Variants in NEGR1 observed in about 807,000 individuals in gnomAD.
NEGR1 encodes the protein IgLON family member 4.
In NEGR1, 10 loss-of-function variants were observed where a neutral mutation model predicts 40.9. That is an observed-to-expected ratio of 0.24 (90% CI 0.15 to 0.42). NEGR1 has a LOEUF of 0.42. Ranked by LOEUF, NEGR1 falls within the 10% of genes least tolerant of loss-of-function variation. NEGR1 has a pLI of 1.00. For synonymous variants in NEGR1, 185 were observed against 166.8 expected, an observed-to-expected ratio of 1.11 and a Z score of -0.84; for missense variants, 352 against 438.9, an observed-to-expected ratio of 0.80 and a Z score of 1.77.
At chr1:72,181,375 C>T (rs182402696) in intron 1 of NEGR1, among the ~76,000 whole-genome samples, 2 of 152,204 alleles carry the variant, frequency 1.3e-5, no homozygotes, top group Admixed American at 1.3e-4. Flanking sequence ...CTCTTGGTGT[C>T]ACTCTTGCAC....
intron 1 of NEGR1, among the ~76,000 whole-genome samples, chr1:71,942,292 GA>G (rs1003302727): frequency 4.7e-5 from 7 of 148,180 alleles, no homozygotes; most frequent in South Asian, 2.1e-4. Flanking sequence ...AATTAGATGG[GA>G]AAAAAAACTG....
intron 1 of NEGR1, among the ~76,000 whole-genome samples, chr1:71,988,923 T>TAAAA (rs10604833): frequency 0.013 from 1,039 of 82,168 alleles, 61 homozygotes; most frequent in African/African-American, 0.057. Context: ...TATTGGATGT[T>TAAAA]AAAAAAAAAA....
At chr1:72,056,874 C>G (rs1300626961) in intron 1 of NEGR1, among the ~76,000 whole-genome samples, 1 of 151,526 alleles carries the variant, frequency 6.6e-6, no homozygotes, top group Non-Finnish European at 1.5e-5. Context: ...AACTCTGCCT[C>G]TGAACTGTTT....
Position 72,050,351 on chromosome 1 carries a change from G to A in NEGR1, c.177-115040C>T, listed in dbSNP as rs571907876. Among the ~76,000 whole-genome samples, 4 of 151,184 alleles carry A rather than the reference G, an allele frequency of 2.6e-5. No individual in the cohort carries two copies. In the South Asian group the frequency reaches 8.4e-4, roughly 32 times the overall value. Reference sequence around the variant, plus strand: ...AAATGTATTTTTAAATCACAAATTGGGAACAGCAATTATAAAATTGTGTAA... The same window carrying A: ...AAATGTATTTTTAAATCACAAATTGAGAACAGCAATTATAAAATTGTGTAA... On this transcript the variant is annotated intron_variant, in intron 1 of 6. Transcript: ENST00000357731.
At chr1:71,420,337 T>C (rs928016634) in intron 6 of NEGR1, among the ~76,000 whole-genome samples, 11 of 152,200 alleles carry the variant, frequency 7.2e-5, no homozygotes, top group Admixed American at 5.9e-4. Flanking sequence ...GTCAGGAAAT[T>C]ATAATTTAGA....
At chr1:71,457,173 C>T (rs760890781) in intron 6 of NEGR1, among the ~76,000 whole-genome samples, 3 of 152,154 alleles carry the variant, frequency 2.0e-5, no homozygotes, top group African/African-American at 2.4e-5. Context: ...CTCCACCCCA[C>T]CCCACCAGTG....
intron 2 of NEGR1, among the ~76,000 whole-genome samples, chr1:71,931,080 A>G (rs1190139697): frequency 1.3e-5 from 2 of 152,140 alleles, no homozygotes; most frequent in Non-Finnish European, 2.9e-5. Context: ...CCCACCCTTG[A>G]TAAGGGAAGT....
intron 1 of NEGR1, among the ~76,000 whole-genome samples, chr1:72,131,875 T>C (rs1337569742): frequency 6.6e-6 from 1 of 152,086 alleles, no homozygotes; most frequent in Non-Finnish European, 1.5e-5. Flanking sequence ...GATGGGAGGA[T>C]CACCTGAGGC....
At chr1:71,984,659 G>A (rs1646380165) in intron 1 of NEGR1, among the ~76,000 whole-genome samples, 1 of 152,046 alleles carries the variant, frequency 6.6e-6, no homozygotes, top group African/African-American at 2.4e-5. Flanking sequence ...TATAGTTGTA[G>A]TGAGAAATAA....
intron 2 of NEGR1, among the ~76,000 whole-genome samples, chr1:71,866,072 T>C (rs1464926619): frequency 6.6e-6 from 1 of 152,082 alleles, no homozygotes; most frequent in Non-Finnish European, 1.5e-5. Context: ...CTTTCAACTA[T>C]ATAAACAAAC....
At chr1:71,804,145 T>C (rs1432103967) in intron 2 of NEGR1, among the ~76,000 whole-genome samples, 1 of 152,196 alleles carries the variant, frequency 6.6e-6, no homozygotes, top group Non-Finnish European at 1.5e-5. Context: ...CTGATATTTA[T>C]ATAAAGTTGG....
At chr1:72,106,496 G>A (rs1403228543) in intron 1 of NEGR1, among the ~76,000 whole-genome samples, 1 of 151,620 alleles carries the variant, frequency 6.6e-6, no homozygotes, top group Non-Finnish European at 1.5e-5. Context: ...CTAAATTTCA[G>A]ATATCAATTT....
chr1:72,183,189 A>AC (rs1652455331), intron 1 of NEGR1, among the ~76,000 whole-genome samples: 1 of 151,996 alleles, frequency 6.6e-6, no homozygotes. Flanking sequence ...AAGAGACCCT[A>AC]CTTCAGGGAG....
At chr1:72,136,931 C>T (rs763533602) in intron 1 of NEGR1, among the ~76,000 whole-genome samples, 9 of 151,966 alleles carry the variant, frequency 5.9e-5, no homozygotes, top group Non-Finnish European at 8.8e-5. Flanking sequence ...AAAAAGTGGA[C>T]GAAGGATATT....
chr1:71,683,368 C>T (rs939515171), intron 4 of NEGR1, among the ~76,000 whole-genome samples: 1 of 151,988 alleles, frequency 6.6e-6, no homozygotes, highest in African/African-American at 2.4e-5. Flanking sequence ...ACTAGATACT[C>T]TGAGAGAAAA....
intron 4 of NEGR1, among the ~76,000 whole-genome samples, chr1:71,664,727 G>GA (rs558567425): frequency 5.6e-4 from 83 of 149,360 alleles, no homozygotes; most frequent in South Asian, 4.6e-3. Context: ...GCTTCTTTGA[G>GA]AAAAAAAAAT....
At position 71,538,630 on chromosome 1, in the gene NEGR1, A is replaced by G. The variant is rs78699825; in HGVS notation, c.940+54187T>C. Reference sequence around the variant, plus strand: ...GCTAAGTTAGACACAGAAGGCAAAGAAGGTTACCCTTACTTTTCACCTTTA... The same window carrying G: ...GCTAAGTTAGACACAGAAGGCAAAGGAGGTTACCCTTACTTTTCACCTTTA... On this transcript the variant is annotated intron_variant, in intron 6 of 6. Transcript: ENST00000357731. Among the ~76,000 whole-genome samples the G allele has an allele frequency of 1.6e-3, 239 of 151,796 alleles. 2 individuals are homozygous for G. Among genetic ancestry groups the G allele is most frequent in the African/African-American group, 5.6e-3 (231 of 41,496 alleles).
chr1:71,599,907 T>A (rs149261961), intron 5 of NEGR1, among the ~76,000 whole-genome samples: 4 of 152,316 alleles, frequency 2.6e-5, no homozygotes, highest in East Asian at 3.9e-4. Flanking sequence ...TGAGTTCCTG[T>A]ATCCCTGGCA....
chr1:71,999,716 T>C (rs1646541248), intron 1 of NEGR1, among the ~76,000 whole-genome samples: 1 of 138,970 alleles, frequency 7.2e-6, no homozygotes, highest in African/African-American at 2.7e-5. Context: ...GCCTTGACTT[T>C]ACATGGAGTC....
Sources: gnomAD v4.1 joint callset for allele counts (sites outside exome capture counted in the v4.1 genomes callset) on GRCh38, gnomAD v4.1.1 for gene constraint, MANE v1.5 for transcripts, NCBI Gene and HGNC (gene_info 2026-07-23, HGNC 2026-07-21) for gene names.